Variants in HS6ST3 observed in about 807,000 individuals in gnomAD.
The protein encoded by HS6ST3 is heparan sulfate 6-O-sulfotransferase 3, also known as heparan-sulfate 6-O-sulfotransferase 3.
In HS6ST3, 12 loss-of-function variants were observed where a neutral mutation model predicts 36.7. The ratio of observed to expected loss-of-function variants is 0.33; its 90% confidence interval spans 0.21 to 0.53. The LOEUF is 0.53. Among genes scored for constraint, HS6ST3 ranks in the 20% least tolerant of loss-of-function variants. The probability of loss-of-function intolerance (pLI) is 0.95; values close to 1 mark genes in which losing one functional copy is unlikely to be tolerated. For missense variants in HS6ST3, 584 were observed against 640.9 expected (o/e 0.91, Z 0.96); for synonymous variants, 240 against 257.5 (o/e 0.93, Z 0.65).
intron 1 of HS6ST3, among the ~76,000 whole-genome samples, chr13:96,810,893 T>C (rs1878303948): frequency 1.3e-5 from 2 of 152,170 alleles, no homozygotes; most frequent in Non-Finnish European, 2.9e-5. Flanking sequence ...TAGTCAAAAA[T>C]AAGAAATTAC....
chr13:96,162,506 T>C lies in HS6ST3; in HGVS notation c.707+70937T>C, dbSNP rs568889850. Among the ~76,000 whole-genome samples the C allele has an allele frequency of 1.8e-4, 27 of 152,280 alleles. No individual in the cohort carries two copies. In the South Asian group the frequency reaches 5.6e-3, roughly 32 times the overall value. The stretch of plus-strand genomic sequence containing the variant: ...TGCTGGAGAAACATCCCTGTGGACA[T>C]TTTTATCCAGTACTAGAAACTTTAA... On this transcript the variant is annotated intron_variant, in intron 1 of 1. Transcript: ENST00000376705.
intron 1 of HS6ST3, among the ~76,000 whole-genome samples, chr13:96,294,811 G>T (rs1037890304): frequency 1.3e-5 from 2 of 151,964 alleles, no homozygotes; most frequent in Non-Finnish European, 2.9e-5. Context: ...AATATTTTAG[G>T]TAATAAAAAC....
chr13:96,771,060 A>T (rs1053799646), intron 1 of HS6ST3, among the ~76,000 whole-genome samples: 2 of 152,274 alleles, frequency 1.3e-5, no homozygotes, highest in African/African-American at 4.8e-5. Flanking sequence ...CACAATAAAC[A>T]TATGTGTGCA....
intron 1 of HS6ST3, among the ~76,000 whole-genome samples, chr13:96,353,254 G>T (rs1042284006): frequency 1.3e-5 from 2 of 151,590 alleles, no homozygotes; most frequent in Admixed American, 1.3e-4. Flanking sequence ...GGATGGTCTT[G>T]ATCTCTTGTG....
At chr13:96,172,787 G>T (rs1349554744) in intron 1 of HS6ST3, among the ~76,000 whole-genome samples, 1 of 152,136 alleles carries the variant, frequency 6.6e-6, no homozygotes, top group African/African-American at 2.4e-5. Flanking sequence ...TAAAGGTGTT[G>T]CTTACATTGT....
intron 1 of HS6ST3, among the ~76,000 whole-genome samples, chr13:96,811,458 G>A (rs1428363602): frequency 6.6e-6 from 1 of 152,156 alleles, no homozygotes; most frequent in African/African-American, 2.4e-5. Flanking sequence ...TAGGAAAAGT[G>A]CAGTTATTTG....
chr13:96,122,722 C>G (rs2053932063), intron 1 of HS6ST3, among the ~76,000 whole-genome samples: 1 of 152,146 alleles, frequency 6.6e-6, no homozygotes, highest in Non-Finnish European at 1.5e-5. Flanking sequence ...GTTCATATAT[C>G]TGTCTCTTTG....
intron 1 of HS6ST3, among the ~76,000 whole-genome samples, chr13:96,384,422 G>A (rs1341209179): frequency 2.0e-5 from 3 of 152,128 alleles, no homozygotes; most frequent in Non-Finnish European, 4.4e-5. Context: ...AAAAGTTAGT[G>A]CCCATTAGTC....
Position 96,090,990 on chromosome 13 carries a change from C to T in HS6ST3, c.128C>T (p.Ala43Val). 1 of 1,328,522 alleles carries T rather than the reference C, an allele frequency of 7.5e-7. No individual in the cohort carries two copies. Among genetic ancestry groups the T allele is most frequent in the Non-Finnish European group, 9.7e-7 (1 of 1,031,868 alleles). 82.3% of individuals were successfully genotyped at this position (1,328,522 alleles called of 1,614,324 possible). A position where few individuals can be genotyped will look rare whatever the true frequency, so the allele number is the denominator to read the frequency against. Reference sequence around the variant, plus strand: ...ACCAACTTCGGGGAGCAGCCCCGCGCGGGGGAGGCCGGCCCGCCCGCCGTC... The same window carrying T: ...ACCAACTTCGGGGAGCAGCCCCGCGTGGGGGAGGCCGGCCCGCCCGCCGTC... ...SCTNFGEQPR[A>V]GEAGPPAVPG... Residue 43 changes from alanine to valine, a missense_variant, in exon 1 of 2, where the codon GCG (alanine) becomes GTG (valine). Transcript: ENST00000376705.
At chr13:96,145,437 C>T (rs915236835) in intron 1 of HS6ST3, among the ~76,000 whole-genome samples, 5 of 152,074 alleles carry the variant, frequency 3.3e-5, no homozygotes, top group African/African-American at 1.2e-4. Flanking sequence ...TGTCTTTTGG[C>T]TGCATAAATG....
At chr13:96,666,567 A>G (rs1167803381) in intron 1 of HS6ST3, among the ~76,000 whole-genome samples, 2 of 152,084 alleles carry the variant, frequency 1.3e-5, no homozygotes, top group Non-Finnish European at 2.9e-5. Flanking sequence ...AAGATATTTT[A>G]ATTTTCTCTT....
intron 1 of HS6ST3, among the ~76,000 whole-genome samples, chr13:96,360,701 C>T (rs960502151): frequency 4.7e-5 from 7 of 149,680 alleles, no homozygotes; most frequent in Admixed American, 2.7e-4. Context: ...AATCCCAGCA[C>T]TTTGGAAGGC....
intron 1 of HS6ST3, among the ~76,000 whole-genome samples, chr13:96,703,858 G>T (rs758323366): frequency 6.6e-6 from 1 of 152,150 alleles, no homozygotes; most frequent in Non-Finnish European, 1.5e-5. Flanking sequence ...TCCCCATGCT[G>T]TTCTCATGCT....
chr13:96,118,550 GA>G (rs1385487033), intron 1 of HS6ST3, among the ~76,000 whole-genome samples: 1 of 149,782 alleles, frequency 6.7e-6, no homozygotes, highest in Non-Finnish European at 1.5e-5. Context: ...GAAGGAAGTA[GA>G]AACTTCCTCT....
chr13:96,346,478 G>A (rs1057246076), intron 1 of HS6ST3, among the ~76,000 whole-genome samples: 1 of 151,964 alleles, frequency 6.6e-6, no homozygotes, highest in Admixed American at 6.5e-5. Context: ...GGGAGGCTGA[G>A]GCAGGAGAAT....
At chr13:96,609,592 A>G (rs376769158) in intron 1 of HS6ST3, among the ~76,000 whole-genome samples, 1 of 152,138 alleles carries the variant, frequency 6.6e-6, no homozygotes, top group Admixed American at 6.5e-5. Context: ...TCTGTCAGTC[A>G]AGGCAGTGCT....
intron 1 of HS6ST3, among the ~76,000 whole-genome samples, chr13:96,644,049 G>T (rs1453956928): frequency 1.3e-5 from 2 of 151,702 alleles, no homozygotes; most frequent in African/African-American, 4.8e-5. Context: ...AATCTTTTTG[G>T]ATGTCCTTAC....
chr13:96,592,551 C>T lies in HS6ST3; in HGVS notation c.708-239939C>T, dbSNP rs1594813992. Among the ~76,000 whole-genome samples the T allele has an allele frequency of 2.6e-5, 4 of 152,174 alleles. No individual in the cohort carries two copies. In the South Asian group the frequency reaches 8.3e-4, roughly 32 times the overall value. On this transcript the variant is annotated intron_variant, in intron 1 of 1. Coordinates refer to ENST00000376705, the MANE Select transcript of HS6ST3 (RefSeq NM_153456.4). ...TGATTTCTTTTGGCTCATTAACATCCTTTACTTTAAGACTAAAATACTCCC... is the reference window on the plus strand; with the variant it reads ...TGATTTCTTTTGGCTCATTAACATCTTTTACTTTAAGACTAAAATACTCCC...
At chr13:96,409,469 A>C (rs1368770950) in intron 1 of HS6ST3, among the ~76,000 whole-genome samples, 1 of 152,212 alleles carries the variant, frequency 6.6e-6, no homozygotes, top group African/African-American at 2.4e-5. Context: ...TGTTAAACTT[A>C]TGACTCCTGG....
Sources: gnomAD v4.1 joint callset for allele counts (sites outside exome capture counted in the v4.1 genomes callset) on GRCh38, gnomAD v4.1.1 for gene constraint, MANE v1.5 for transcripts, NCBI Gene and HGNC (gene_info 2026-07-23, HGNC 2026-07-21) for gene names.